SFRP1: variants seen among roughly 807,000 people sequenced by gnomAD.
SFRP1 encodes secreted frizzled related protein 1.
A neutral mutation model predicts 25.9 loss-of-function variants in SFRP1; 9 were observed. The observed-to-expected ratio is 0.35, with a 90% CI of 0.21 to 0.61. SFRP1 has a LOEUF of 0.61. SFRP1 is among the 20% of genes least tolerant of loss of function. The pLI is 0.78. For synonymous variants in SFRP1, 178 were observed against 174.0 expected, an observed-to-expected ratio of 1.02 and a Z score of -0.18; for missense variants, 346 against 418.2, an observed-to-expected ratio of 0.83 and a Z score of 1.51.
chr8:41,280,886 C>T (rs532217259), intron 2 of SFRP1, among the ~76,000 whole-genome samples: 2 of 152,300 alleles, frequency 1.3e-5, no homozygotes, highest in South Asian at 4.1e-4. Flanking sequence ...AGAAGCGTTC[C>T]TAGCATGCAG....
intron 2 of SFRP1, among the ~76,000 whole-genome samples, chr8:41,269,746 G>A (rs370465709): frequency 2.0e-5 from 3 of 152,196 alleles, no homozygotes; most frequent in East Asian, 3.8e-4. Context: ...AACCAGTCCT[G>A]TGGAATGGCT....
chr8:41,275,559 G>C (rs2117487486), intron 2 of SFRP1, among the ~76,000 whole-genome samples: 1 of 151,810 alleles, frequency 6.6e-6, no homozygotes, highest in East Asian at 1.9e-4. Context: ...CTGGAGTGCA[G>C]TGGCGGAATC....
chr8:41,291,831 G>C (rs1051676664), intron 2 of SFRP1, among the ~76,000 whole-genome samples: 2 of 152,158 alleles, frequency 1.3e-5, no homozygotes, highest in Non-Finnish European at 2.9e-5. Context: ...ATGAGGAGCA[G>C]CACAAAGGCA....
intron 2 of SFRP1, among the ~76,000 whole-genome samples, chr8:41,278,454 T>C (rs1229662283): frequency 1.3e-5 from 2 of 152,226 alleles, no homozygotes; most frequent in Non-Finnish European, 2.9e-5. Flanking sequence ...AACGAATGTG[T>C]TCATTCATTG....
intron 2 of SFRP1, among the ~76,000 whole-genome samples, chr8:41,278,880 G>A (rs1036573866): frequency 6.6e-6 from 1 of 152,136 alleles, no homozygotes; most frequent in African/African-American, 2.4e-5. Flanking sequence ...CAAAATCGCA[G>A]CAGTTGCACC....
intron 2 of SFRP1, among the ~76,000 whole-genome samples, chr8:41,275,518 T>A (rs1455813410): frequency 6.6e-6 from 1 of 151,824 alleles, no homozygotes. Context: ...TGTTTTTTTT[T>A]TTTAGACAGA....
At position 41,309,325 on chromosome 8, in the gene SFRP1, G is replaced by T; in HGVS notation, c.-166C>A. 1.3e-6 allele frequency: 1 copy of T among 787,742 alleles called. No individual in the cohort carries two copies. Among genetic ancestry groups the T allele is most frequent in the Non-Finnish European group, 1.7e-6 (1 of 599,360 alleles). The allele number at this position is 787,742 out of a possible 1,614,324, so 48.8% of individuals were successfully genotyped here. A position where few individuals can be genotyped will look rare whatever the true frequency, so the allele number is the denominator to read the frequency against. On this transcript the variant is annotated 5_prime_UTR_variant, in exon 1 of 3. Transcript: ENST00000220772. The stretch of plus-strand genomic sequence containing the variant: ...CTGCCCGGTCCCCCCGGCCAGTGGC[G>T]GCCCTCGGCCTGCGGTCGGAGGCGG...
chr8:41,266,822 T>C (rs1464661264), intron 2 of SFRP1, among the ~76,000 whole-genome samples: 1 of 152,194 alleles, frequency 6.6e-6, no homozygotes, highest in Non-Finnish European at 1.5e-5. Flanking sequence ...AATTGAGTCC[T>C]ATAAAATGAC....
chr8:41,282,292 G>A (rs1045228964), intron 2 of SFRP1, among the ~76,000 whole-genome samples: 4 of 152,250 alleles, frequency 2.6e-5, no homozygotes, highest in Non-Finnish European at 1.5e-5. Context: ...AAGGTTGGGG[G>A]ATGGCTTGAG....
chr8:41,274,067 G>T (rs1037000440), intron 2 of SFRP1, among the ~76,000 whole-genome samples: 1 of 152,158 alleles, frequency 6.6e-6, no homozygotes, highest in Admixed American at 6.5e-5. Flanking sequence ...GCCTCCTGGG[G>T]GCTTTCAGGC....
intron 2 of SFRP1, among the ~76,000 whole-genome samples, chr8:41,290,874 C>A (rs2117505343): frequency 7.9e-6 from 1 of 127,136 alleles, no homozygotes; most frequent in Non-Finnish European, 1.6e-5. Context: ...TTCTTCTCCT[C>A]CTCTTCCTCG....
At chr8:41,295,669 C>T (rs1563365523) in intron 2 of SFRP1, among the ~76,000 whole-genome samples, 2 of 152,096 alleles carry the variant, frequency 1.3e-5, no homozygotes, top group Admixed American at 6.5e-5. Context: ...CAGAACTCAA[C>T]TTACCTAATT....
chr8:41,295,173 C>T (rs1024509290), intron 2 of SFRP1, among the ~76,000 whole-genome samples: 3 of 152,118 alleles, frequency 2.0e-5, no homozygotes, highest in African/African-American at 4.8e-5. Context: ...CCAGCCTGGC[C>T]AACATGGTGA....
chr8:41,277,667 G>A, intron 2 of SFRP1, among the ~76,000 whole-genome samples: 1 of 152,208 alleles, frequency 6.6e-6, no homozygotes, highest in East Asian at 1.9e-4. Flanking sequence ...CCAGGTCAGA[G>A]TACAGTGGTG....
chr8:41,265,117 C>T lies in SFRP1; in HGVS notation c.*50G>A, dbSNP rs749288754. On this transcript the variant is annotated 3_prime_UTR_variant, in exon 3 of 3. Transcript: ENST00000220772. ...ACCGGGTTCCCGGGGCACTGTCCCC[C>T]CCGCTCCCACCCCACCCGAGGCTCC... is the stretch of plus-strand genomic sequence containing the variant. 2 of 471,878 alleles carry T rather than the reference C, an allele frequency of 4.2e-6. No individual in the cohort carries two copies. The highest frequency in any genetic ancestry group is 3.9e-5 in the South Asian group (2 of 51,282). 29.2% of individuals were successfully genotyped at this position (471,878 alleles called of 1,614,324 possible). A position where few individuals can be genotyped will look rare whatever the true frequency, so the allele number is the denominator to read the frequency against.
intron 2 of SFRP1, among the ~76,000 whole-genome samples, chr8:41,294,150 C>T (rs1436690850): frequency 4.6e-5 from 7 of 152,102 alleles, no homozygotes; most frequent in Admixed American, 1.3e-4. Context: ...GTGAGCACAG[C>T]GGGCTGGCAC....
At chr8:41,294,437 A>G (rs1201807015) in intron 2 of SFRP1, among the ~76,000 whole-genome samples, 2 of 152,226 alleles carry the variant, frequency 1.3e-5, no homozygotes, top group Non-Finnish European at 2.9e-5. Context: ...GAAGGGCTAG[A>G]GAAAACAAGA....
intron 2 of SFRP1, among the ~76,000 whole-genome samples, chr8:41,290,014 G>A (rs893539508): frequency 3.3e-5 from 5 of 152,332 alleles, no homozygotes; most frequent in African/African-American, 1.2e-4. Context: ...AGGCTCACCA[G>A]GCAGATGTGC....
At chr8:41,304,208 G>C (rs1007809561) in intron 1 of SFRP1, among the ~76,000 whole-genome samples, 2 of 152,186 alleles carry the variant, frequency 1.3e-5, no homozygotes, top group East Asian at 3.9e-4. Context: ...GTGCTTTGAA[G>C]AGGAGGTTTG....
Sources: gnomAD v4.1 joint callset for allele counts (sites outside exome capture counted in the v4.1 genomes callset) on GRCh38, gnomAD v4.1.1 for gene constraint, MANE v1.5 for transcripts, NCBI Gene and HGNC (gene_info 2026-07-23, HGNC 2026-07-21) for gene names.